Variants in SH2D4B observed in about 807,000 individuals in gnomAD.
SH2D4B encodes the protein SH2 domain-containing protein 4B.
SH2D4B carries 45 observed loss-of-function variants against 61.5 expected under a neutral mutation model. That is an observed-to-expected ratio of 0.73 (90% CI 0.58 to 0.94). SH2D4B has a LOEUF of 0.94. SH2D4B is among the 40% of genes least tolerant of loss of function. SH2D4B has a pLI of 0.00. For missense variants in SH2D4B, 572 were observed against 574.2 expected (o/e 1.00, Z 0.04); for synonymous variants, 224 against 220.4 (o/e 1.02, Z -0.14).
rs146219587 is a variant in SH2D4B, at chr10:80,584,277, G to A, written c.496-4353G>A. 3.2e-3 allele frequency among the ~76,000 whole-genome samples: 492 copies of A among 152,352 alleles called. 4 individuals carry two copies. Among genetic ancestry groups the A allele is most frequent in the African/African-American group, 0.011 (476 of 41,588 alleles). On this transcript the variant is annotated intron_variant, in intron 3 of 7. Coordinates refer to ENST00000646907, the MANE Select transcript of SH2D4B (RefSeq NM_001388272.1). ...GTGCCATTTGTAGGTGGATGGAGAG[G>A]AGGCTTAGGTGGTAACCAGTGCAGA...
intron 4 of SH2D4B, among the ~76,000 whole-genome samples, chr10:80,601,901 C>A (rs1842455045): frequency 1.3e-5 from 2 of 152,166 alleles, no homozygotes; most frequent in African/African-American, 4.8e-5. Flanking sequence ...CTCACTAGGG[C>A]TGGGGCATTA....
chr10:80,555,002 CAAAAAAAA>C (rs35160548), intron 1 of SH2D4B, among the ~76,000 whole-genome samples: 2 of 63,662 alleles, frequency 3.1e-5, no homozygotes, highest in African/African-American at 7.4e-5. Flanking sequence ...AGGCGAGTCT[CAAAAAAAA>C]AAAAAAAAAA....
At chr10:80,612,806 C>T (rs1403681483) in intron 6 of SH2D4B, among the ~76,000 whole-genome samples, 1 of 152,164 alleles carries the variant, frequency 6.6e-6, no homozygotes, top group Non-Finnish European at 1.5e-5. Context: ...TGATTTCCTT[C>T]CCTTTCCTCA....
At position 80,570,472 on chromosome 10, in the gene SH2D4B, G is replaced by A. The variant is rs534966650; in HGVS notation, c.347+156G>A. Among the ~76,000 whole-genome samples the A allele has an allele frequency of 7.6e-4, 115 of 152,266 alleles. 1 individual carries two copies. Among genetic ancestry groups the A allele is most frequent in the African/African-American group, 2.6e-3 (107 of 41,556 alleles). ...TGACCTCAGGTGAGCCACCCGCTTC[G>A]GCCTCCCAAAGTGTTGGGATTATAG... On this transcript the variant is annotated intron_variant, in intron 2 of 7. Coordinates refer to ENST00000646907, the MANE Select transcript of SH2D4B (RefSeq NM_001388272.1).
rs1332102971 is a variant in SH2D4B, at chr10:80,643,597, G to A, written c.1210-396G>A. Among the ~76,000 whole-genome samples the A allele has an allele frequency of 4.0e-5, 6 of 151,856 alleles. No individual in the cohort carries two copies. The East Asian group carries it at 7.7e-4, about 20-fold the overall frequency. ...GCGTGGGACTGTCTGAACTTTTTGG[G>A]TCTCTTGGGGCTTCCAAGGAACCGT... On this transcript the variant is annotated intron_variant, in intron 7 of 7. Transcript: ENST00000646907.
At chr10:80,570,978 G>A (rs1055649252) in intron 2 of SH2D4B, among the ~76,000 whole-genome samples, 9 of 152,210 alleles carry the variant, frequency 5.9e-5, no homozygotes, top group African/African-American at 2.2e-4. Flanking sequence ...GGGCTCAAGT[G>A]ATCCTCCCGC....
In SH2D4B at chr10:80,565,454, G is replaced by A. The variant is rs143348104; in HGVS notation, c.185-4700G>A. Among the ~76,000 whole-genome samples, 10 of 151,738 alleles carry A rather than the reference G, an allele frequency of 6.6e-5. No individual in the cohort carries two copies. In the East Asian group the frequency reaches 1.9e-3, roughly 29 times the overall value. ...TTACCCAGGCTGGAGTGAGTGCAGT[G>A]GTGTAATCATAGCTCACTGCAGTCT... is the stretch of plus-strand genomic sequence containing the variant. On this transcript the variant is annotated intron_variant, in intron 1 of 7. Coordinates refer to ENST00000646907, the MANE Select transcript of SH2D4B (RefSeq NM_001388272.1).
chr10:80,609,374 T>C (rs569691001), intron 5 of SH2D4B, 50 bp from the exon 6 acceptor site: 2 of 1,481,572 alleles, frequency 1.3e-6, no homozygotes, highest in African/African-American at 1.4e-5. Flanking sequence ...CTCCCTCCGC[T>C]CTTTCTCCCT....
intron 1 of SH2D4B, among the ~76,000 whole-genome samples, chr10:80,566,452 T>C (rs906262049): frequency 2.6e-5 from 4 of 151,918 alleles, no homozygotes; most frequent in Non-Finnish European, 4.4e-5. Context: ...TGCACCATCA[T>C]GCCCAGCTAA....
At chr10:80,580,896 G>A (rs12242580) in intron 3 of SH2D4B, among the ~76,000 whole-genome samples, 12,716 of 152,172 alleles carry the variant, frequency 0.084, 568 homozygotes, top group African/African-American at 0.12. Flanking sequence ...GTCTTTGCGT[G>A]TCTGGCCTTT....
At chr10:80,549,010 G>A (rs1841719591) in intron 1 of SH2D4B, among the ~76,000 whole-genome samples, 1 of 152,214 alleles carries the variant, frequency 6.6e-6, no homozygotes, top group African/African-American at 2.4e-5. Context: ...TCAGATGAAT[G>A]ATGTAAAGAT....
intron 1 of SH2D4B, among the ~76,000 whole-genome samples, chr10:80,546,404 A>T (rs1453282248): frequency 6.6e-6 from 1 of 151,920 alleles, no homozygotes; most frequent in East Asian, 1.9e-4. Context: ...AGCCTGACCA[A>T]TGCTACTTTT....
chr10:80,623,819 A>G (rs1393566326), intron 6 of SH2D4B, among the ~76,000 whole-genome samples: 4 of 152,058 alleles, frequency 2.6e-5, no homozygotes, highest in African/African-American at 4.8e-5. Context: ...ATTATTTCCA[A>G]CTGCTGTACA....
At position 80,587,145 on chromosome 10, in the gene SH2D4B, T is replaced by G. The variant is rs1295835994; in HGVS notation, c.496-1485T>G. 6.0e-4 allele frequency among the ~76,000 whole-genome samples: 27 copies of G among 44,926 alleles called. 1 individual carries two copies. The South Asian group carries it at 6.5e-3, about 11-fold the overall frequency. 29.5% of individuals were successfully genotyped at this position (44,926 alleles called of 152,430 possible). ...TTCCGGCCACGTTTTTTTTTTTTTTTGTTTTGTTTTTTTTTTTTTTTTTGG... is the reference window on the plus strand; with the variant it reads ...TTCCGGCCACGTTTTTTTTTTTTTTGGTTTTGTTTTTTTTTTTTTTTTTGG... On this transcript the variant is annotated intron_variant, in intron 3 of 7. Transcript: ENST00000646907.
chr10:80,586,548 A>C (rs7894153), intron 3 of SH2D4B, among the ~76,000 whole-genome samples: 15,212 of 151,986 alleles, frequency 0.1, 892 homozygotes, highest in African/African-American at 0.17. Flanking sequence ...TATCTAGCTA[A>C]TCTGGTGGGG....
At position 80,603,553 on chromosome 10, in the gene SH2D4B, C is replaced by G. The variant is rs538123708; in HGVS notation, c.644-26C>G. ...GCACCGCCTGGGCTGCGGATCTGGG[C>G]TAACGTGCTGTCTTCCTCTTTCCAG... On this transcript the variant is annotated intron_variant, in intron 4 of 7. Coordinates refer to ENST00000646907, the MANE Select transcript of SH2D4B (RefSeq NM_001388272.1). 2.6e-6 allele frequency: 4 copies of G among 1,513,280 alleles called. No individual in the cohort carries two copies. The East Asian group carries it at 9.9e-5, about 38-fold the overall frequency. The allele number at this position is 1,513,280 out of a possible 1,614,324, so 93.7% of individuals were successfully genotyped here. A position where few individuals can be genotyped will look rare whatever the true frequency, so the allele number is the denominator to read the frequency against.
chr10:80,612,297 C>A (rs374495351), intron 6 of SH2D4B, among the ~76,000 whole-genome samples: 1 of 151,114 alleles, frequency 6.6e-6, no homozygotes, highest in Non-Finnish European at 1.5e-5. Flanking sequence ...GCTAGGACTT[C>A]CTCTGTACCA....
intron 6 of SH2D4B, among the ~76,000 whole-genome samples, chr10:80,609,762 A>G (rs1165183457): frequency 2.6e-5 from 4 of 152,156 alleles, no homozygotes; most frequent in Non-Finnish European, 4.4e-5. Context: ...AGGGATGAAC[A>G]TGGCTCTCGC....
chr10:80,586,874 C>T (rs954178556), intron 3 of SH2D4B, among the ~76,000 whole-genome samples: 12 of 152,076 alleles, frequency 7.9e-5, no homozygotes, highest in African/African-American at 2.7e-4. Flanking sequence ...AGGGAGACCA[C>T]GAACCCACCG....
Sources: gnomAD v4.1 joint callset for allele counts (sites outside exome capture counted in the v4.1 genomes callset) on GRCh38, gnomAD v4.1.1 for gene constraint, MANE v1.5 for transcripts, NCBI Gene and HGNC (gene_info 2026-07-23, HGNC 2026-07-21) for gene names.